ADAMTS20: variants seen among roughly 807,000 people sequenced by gnomAD.
The protein encoded by ADAMTS20 is A disintegrin and metalloproteinase with thrombospondin motifs 20.
A neutral mutation model predicts 260.1 loss-of-function variants in ADAMTS20; 225 were observed. That is an observed-to-expected ratio of 0.87 (90% CI 0.78 to 0.97). The LOEUF (loss-of-function observed/expected upper bound fraction) is 0.97, where lower values mean the gene tolerates loss of function less well. ADAMTS20 is among the 50% of genes least tolerant of loss of function. The pLI is 0.00. For synonymous variants in ADAMTS20, 802 were observed against 769.5 expected, an observed-to-expected ratio of 1.04 and a Z score of -0.70; for missense variants, 2,400 against 2,337.7, an observed-to-expected ratio of 1.03 and a Z score of -0.55.
chr12:43,449,078 A>T (rs1051633420), intron 14 of ADAMTS20, among the ~76,000 whole-genome samples: 4 of 152,176 alleles, frequency 2.6e-5, no homozygotes, highest in Non-Finnish European at 5.9e-5. Context: ...CAGTGTGGCG[A>T]TTCCCTAAAG....
intron 10 of ADAMTS20, among the ~76,000 whole-genome samples, chr12:43,463,953 A>T (rs1258040226): frequency 6.6e-6 from 1 of 152,160 alleles, no homozygotes; most frequent in Non-Finnish European, 1.5e-5. Context: ...CTCTACATGG[A>T]AAAGTAAAGC....
chr12:43,433,263 A>T (rs778588011), intron 19 of ADAMTS20, among the ~76,000 whole-genome samples: 13 of 152,210 alleles, frequency 8.5e-5, no homozygotes, highest in Non-Finnish European at 1.8e-4. Context: ...ACACTTTCTC[A>T]TTCATTCCTG....
rs1343435887 is a variant in ADAMTS20, at chr12:43,432,486, A to AT, written c.2932-19_2932-18insA. 3.1e-6 allele frequency: 5 copies of AT among 1,591,656 alleles called. No individual in the cohort carries two copies. Among genetic ancestry groups the AT allele is most frequent in the Non-Finnish European group, 3.4e-6 (4 of 1,170,052 alleles). ...CTGGAACACTGATTAAAAAAAAAAA[A>AT]GTGGTAACTAATGGAAAAAAATCAG... On this transcript the variant is annotated intron_variant, in intron 20 of 38. Coordinates refer to ENST00000389420, the MANE Select transcript of ADAMTS20 (RefSeq NM_025003.5).
intron 11 of ADAMTS20, among the ~76,000 whole-genome samples, chr12:43,454,713 C>T (rs1379496211): frequency 6.6e-6 from 1 of 152,172 alleles, no homozygotes; most frequent in Non-Finnish European, 1.5e-5. Flanking sequence ...TCTATATCAT[C>T]ATTTCAGTGA....
intron 9 of ADAMTS20, among the ~76,000 whole-genome samples, chr12:43,465,473 G>A (rs1011958861): frequency 2.6e-5 from 4 of 152,034 alleles, no homozygotes; most frequent in African/African-American, 4.8e-5. Flanking sequence ...AATTTACCAT[G>A]CAATGTCCGG....
At chr12:43,444,654 C>G (rs1009697550) in intron 15 of ADAMTS20, among the ~76,000 whole-genome samples, 2 of 152,078 alleles carry the variant, frequency 1.3e-5, no homozygotes, top group East Asian at 3.9e-4. Context: ...ACATAGTTGT[C>G]CAAATACGCA....
chr12:43,482,064 C>A (rs1303872521), intron 7 of ADAMTS20, among the ~76,000 whole-genome samples: 1 of 151,826 alleles, frequency 6.6e-6, no homozygotes, highest in Admixed American at 6.6e-5. Flanking sequence ...TAGTGAGCAG[C>A]GGGGAATATA....
chr12:43,392,768 C>T (rs1940621997), intron 29 of ADAMTS20, among the ~76,000 whole-genome samples: 1 of 152,076 alleles, frequency 6.6e-6, no homozygotes, highest in Non-Finnish European at 1.5e-5. Context: ...GTGATTGAAA[C>T]TCCTTTAGTT....
intron 3 of ADAMTS20, among the ~76,000 whole-genome samples, chr12:43,522,193 G>A (rs536551162): frequency 7.1e-6 from 1 of 141,760 alleles, no homozygotes; most frequent in African/African-American, 2.5e-5. Flanking sequence ...AGCAAGGCAC[G>A]TTAATCACAA....
chr12:43,513,030 T>C (rs1592104750), intron 3 of ADAMTS20, among the ~76,000 whole-genome samples: 1 of 152,186 alleles, frequency 6.6e-6, no homozygotes, highest in African/African-American at 2.4e-5. Flanking sequence ...CCTTGCATTG[T>C]AGAAGCATAG....
At chr12:43,357,460 CTG>C (rs1482865041) in intron 37 of ADAMTS20, among the ~76,000 whole-genome samples, 5 of 152,092 alleles carry the variant, frequency 3.3e-5, no homozygotes, top group Non-Finnish European at 5.9e-5. Flanking sequence ...TAAATAAACT[CTG>C]TATATATAAT....
intron 18 of ADAMTS20, among the ~76,000 whole-genome samples, chr12:43,437,519 T>C (rs1941579444): frequency 6.6e-6 from 1 of 152,096 alleles, no homozygotes. Context: ...ATACAACATG[T>C]CATGTACAAG....
chr12:43,354,500 G>A (rs1337832363), intron 38 of ADAMTS20, among the ~76,000 whole-genome samples: 1 of 151,970 alleles, frequency 6.6e-6, no homozygotes, highest in Non-Finnish European at 1.5e-5. Context: ...AAGGATATTA[G>A]ATAACCTGAG....
At chr12:43,364,825 T>A (rs1465584481) in intron 37 of ADAMTS20, among the ~76,000 whole-genome samples, 3 of 151,784 alleles carry the variant, frequency 2.0e-5, no homozygotes, top group African/African-American at 7.3e-5. Flanking sequence ...TGACTGAAAA[T>A]TTTCCAAAAT....
chr12:43,427,739 G>T lies in ADAMTS20; in HGVS notation c.3946-270C>A, dbSNP rs148466439. ...TTCTATCATAAGTGTTAAGTAAAAA[G>T]AAATTAAAGTTTTTGAGATCTCACT... On this transcript the variant is annotated intron_variant, in intron 26 of 38. Coordinates refer to ENST00000389420, the MANE Select transcript of ADAMTS20 (RefSeq NM_025003.5). 8.2e-4 allele frequency among the ~76,000 whole-genome samples: 125 copies of T among 152,192 alleles called. 1 individual carries two copies. The highest frequency in any genetic ancestry group is 2.6e-3 in the African/African-American group (108 of 41,538).
intron 23 of ADAMTS20, 68 bp from the exon 24 acceptor site, chr12:43,429,792 T>C (rs1941405758): frequency 9.9e-7 from 1 of 1,005,576 alleles, no homozygotes; most frequent in African/African-American, 1.6e-5. Flanking sequence ...ATCTAATACT[T>C]CACTTCTTCT....
chr12:43,479,672 G>A (rs1422323123), intron 7 of ADAMTS20, among the ~76,000 whole-genome samples: 1 of 151,338 alleles, frequency 6.6e-6, no homozygotes, highest in African/African-American at 2.4e-5. Flanking sequence ...AAAACTTATG[G>A]GACACAAAAA....
intron 28 of ADAMTS20, among the ~76,000 whole-genome samples, chr12:43,413,045 G>A (rs369879328): frequency 3.9e-5 from 6 of 151,918 alleles, no homozygotes; most frequent in Admixed American, 6.6e-5. Context: ...TTCTGACCTC[G>A]TGATCTGCCC....
chr12:43,494,871 T>C (rs1192671721), intron 4 of ADAMTS20, among the ~76,000 whole-genome samples: 1 of 152,186 alleles, frequency 6.6e-6, no homozygotes, highest in Admixed American at 6.5e-5. Context: ...CTAAGTCAAA[T>C]TACAAGGTAA....
Sources: gnomAD v4.1 joint callset for allele counts (sites outside exome capture counted in the v4.1 genomes callset) on GRCh38, gnomAD v4.1.1 for gene constraint, MANE v1.5 for transcripts, NCBI Gene and HGNC (gene_info 2026-07-23, HGNC 2026-07-21) for gene names.